The following PTK2 variants were observed in gnomAD, a reference collection of about 807,000 sequenced individuals.
The protein encoded by PTK2 is protein tyrosine kinase 2.
PTK2 carries 45 observed loss-of-function variants against 150.1 expected under a neutral mutation model. The ratio of observed to expected loss-of-function variants is 0.30; its 90% CI spans 0.24 to 0.38. The LOEUF (loss-of-function observed/expected upper bound fraction) is 0.38, where lower values mean the gene tolerates loss of function less well. Among genes scored for constraint, PTK2 ranks in the 10% least tolerant of loss-of-function variants. PTK2 has a pLI of 1.00. For missense variants in PTK2, 919 were observed against 1,307.3 expected (o/e 0.70, Z 4.58); for synonymous variants, 432 against 449.2 (o/e 0.96, Z 0.48).
chr8:140,778,611 C>CAGTTGT (rs1566169846), intron 14 of PTK2, among the ~76,000 whole-genome samples: 2 of 152,210 alleles, frequency 1.3e-5, no homozygotes, highest in African/African-American at 4.8e-5. Flanking sequence ...TTGTGCTATT[C>CAGTTGT]GCTTTACGGT....
At chr8:140,821,922 C>A (rs2100108836) in intron 8 of PTK2, 2 of 152,182 alleles carry the variant, frequency 1.3e-5, no homozygotes, top group South Asian at 4.1e-4. Context: ...CTCAGATGCT[C>A]TATAAACAAA....
intron 7 of PTK2, among the ~76,000 whole-genome samples, chr8:140,841,754 G>C (rs564396459): frequency 6.6e-6 from 1 of 151,782 alleles, no homozygotes; most frequent in Non-Finnish European, 1.5e-5. Context: ...TATTAGAAAA[G>C]CTTATTTAAA....
intron 1 of PTK2, among the ~76,000 whole-genome samples, chr8:140,957,025 C>T (rs529178981): frequency 6.6e-6 from 1 of 152,082 alleles, no homozygotes; most frequent in Non-Finnish European, 1.5e-5. Flanking sequence ...GATGCCATTG[C>T]ACTCCAGCCT....
Position 140,669,324 on chromosome 8 carries a change from T to C in PTK2, c.2710-900A>G, listed in dbSNP as rs189241080. 6.3e-5 allele frequency: 8 copies of C among 127,426 alleles called. 1 individual carries two copies. The highest frequency in any genetic ancestry group is 2.8e-4 in the African/African-American group (8 of 28,166). The allele number at this position is 127,426 out of a possible 1,614,324, so 7.9% of individuals were successfully genotyped here. ...TGGTATATATATATATATATATATA[T>C]ATATATATATATATATACACTTTTT... On this transcript the variant is annotated intron_variant, in intron 29 of 31. Coordinates refer to ENST00000522684, the Ensembl canonical transcript of PTK2.
chr8:140,919,418 A>C (rs1203553432), intron 2 of PTK2, among the ~76,000 whole-genome samples: 1 of 152,242 alleles, frequency 6.6e-6, no homozygotes, highest in East Asian at 1.9e-4. Flanking sequence ...TCACGGTTTT[A>C]AAGTCACACT....
intron 2 of PTK2, among the ~76,000 whole-genome samples, chr8:140,917,354 A>C (rs1420188737): frequency 6.6e-6 from 1 of 151,822 alleles, no homozygotes; most frequent in Non-Finnish European, 1.5e-5. Context: ...AAGGACAGGA[A>C]AGGACAGGAG....
At chr8:140,690,703 G>A (rs1210357714) in intron 26 of PTK2, among the ~76,000 whole-genome samples, 1 of 152,194 alleles carries the variant, frequency 6.6e-6, no homozygotes, top group Non-Finnish European at 1.5e-5. Context: ...ATACTGTGGT[G>A]TAAATGTATG....
intron 7 of PTK2, among the ~76,000 whole-genome samples, chr8:140,836,624 G>A (rs1003194182): frequency 1.3e-5 from 2 of 152,226 alleles, no homozygotes; most frequent in Non-Finnish European, 2.9e-5. Context: ...ATTGACTACT[G>A]TTGACAAGAA....
rs191531805 is a variant in PTK2 at position 140,912,322 on chromosome 8, A to G, written c.-33+13339T>C. ...AAAGTGGGGTTTATCTCAGCAATGC[A>G]GGTTGTTTTAACATTAAAAAAAAAT... is the stretch of plus-strand genomic sequence containing the variant. On this transcript the variant is annotated intron_variant, in intron 2 of 31. Coordinates refer to ENST00000522684, the Ensembl canonical transcript of PTK2. Among the ~76,000 whole-genome samples, 311 of 152,102 alleles carry G rather than the reference A, an allele frequency of 2.0e-3. 2 individuals are homozygous for G. The highest frequency in any genetic ancestry group is 6.1e-3 in the Admixed American group (93 of 15,288).
At chr8:140,960,268 G>A (rs1340308249) in intron 1 of PTK2, among the ~76,000 whole-genome samples, 5 of 84,888 alleles carry the variant, frequency 5.9e-5, no homozygotes, top group African/African-American at 2.9e-4. Context: ...GCACGATCTC[G>A]GCTCACTGCA....
At position 140,747,716 on chromosome 8, in the gene PTK2, G is replaced by A. The variant is rs527489828; in HGVS notation, c.1418-856C>T. On this transcript the variant is annotated intron_variant, in intron 17 of 31. Transcript: ENST00000522684. ...GAGGAGGGAGGAGGAGGGGGAGGAA[G>A]GGAGGAGGGGGAGGAAGGAAGTAGG... 2.9e-3 allele frequency among the ~76,000 whole-genome samples: 255 copies of A among 87,754 alleles called. 4 individuals are homozygous for A. Among genetic ancestry groups the A allele is most frequent in the Middle Eastern group, 0.013 (2 of 160 alleles). 57.6% of individuals were successfully genotyped at this position (87,754 alleles called of 152,430 possible).
In PTK2 at chr8:140,680,678, T is replaced by C. The variant is rs114703085; in HGVS notation, c.2563-5179A>G. ...GAATAGGACTTATTTTCACACCGATTCTCACTCCTTCTTAACAATTTAGGA... is the reference window on the plus strand; with the variant it reads ...GAATAGGACTTATTTTCACACCGATCCTCACTCCTTCTTAACAATTTAGGA... On this transcript the variant is annotated intron_variant, in intron 27 of 31. Transcript: ENST00000522684. Among the ~76,000 whole-genome samples the C allele has an allele frequency of 2.9e-3, 444 of 152,330 alleles. 4 individuals carry two copies. The highest frequency in any genetic ancestry group is 0.01 in the African/African-American group (430 of 41,578).
At chr8:140,917,151 G>A (rs1389534894) in intron 2 of PTK2, among the ~76,000 whole-genome samples, 1 of 152,166 alleles carries the variant, frequency 6.6e-6, no homozygotes. Context: ...AGCACTTTGG[G>A]AGGCCGAGGT....
At chr8:140,796,608 A>G (rs1364599555) in intron 12 of PTK2, among the ~76,000 whole-genome samples, 1 of 152,208 alleles carries the variant, frequency 6.6e-6, no homozygotes, top group East Asian at 1.9e-4. Flanking sequence ...AGGCAGCTGT[A>G]AAGAAGGAGA....
intron 29 of PTK2, among the ~76,000 whole-genome samples, chr8:140,673,944 C>A (rs1486160528): frequency 6.6e-6 from 1 of 152,190 alleles, no homozygotes; most frequent in Non-Finnish European, 1.5e-5. Context: ...TTACCCCAAG[C>A]ATCCTGGTTT....
At chr8:140,944,484 T>C (rs2154608934) in intron 1 of PTK2, among the ~76,000 whole-genome samples, 1 of 152,354 alleles carries the variant, frequency 6.6e-6, no homozygotes, top group South Asian at 2.1e-4. Flanking sequence ...TCTTGGACTG[T>C]CTTCTTAACT....
chr8:140,837,636 G>A (rs1052453542), intron 7 of PTK2, among the ~76,000 whole-genome samples: 1 of 152,122 alleles, frequency 6.6e-6, no homozygotes, highest in African/African-American at 2.4e-5. Context: ...GGCTGAGGTA[G>A]GAGAATCACT....
rs2100157634 is a variant in PTK2 at position 140,899,567 on chromosome 8, T to C, written c.-32-8798A>G. ...TGCAAACTCTTCTACTCAAAAATAT[T>C]GAAGAGGGGAGAATATTTCCAAAAT... On this transcript the variant is annotated intron_variant, in intron 2 of 31. Transcript: ENST00000522684. Among the ~76,000 whole-genome samples, 3 of 152,276 alleles carry C rather than the reference T, an allele frequency of 2.0e-5. No individual in the cohort carries two copies. The South Asian group carries it at 6.2e-4, about 32-fold the overall frequency.
chr8:140,957,312 C>T (rs1460083790), intron 1 of PTK2, among the ~76,000 whole-genome samples: 1 of 152,056 alleles, frequency 6.6e-6, no homozygotes, highest in Non-Finnish European at 1.5e-5. Context: ...CATGTAGTCT[C>T]AGCTACTTGG....
Sources: gnomAD v4.1 joint callset for allele counts (sites outside exome capture counted in the v4.1 genomes callset) on GRCh38, gnomAD v4.1.1 for gene constraint, MANE v1.5 for transcripts, NCBI Gene and HGNC (gene_info 2026-07-23, HGNC 2026-07-21) for gene names.